TRHDE: variants seen among roughly 807,000 people sequenced by gnomAD.
The protein encoded by TRHDE is thyrotropin-releasing hormone-degrading ectoenzyme.
A neutral mutation model predicts 125.7 loss-of-function variants in TRHDE; 72 were observed. The ratio of observed to expected loss-of-function variants is 0.57; its 90% CI spans 0.47 to 0.70. The LOEUF is 0.70. Among genes scored for constraint, TRHDE ranks in the 30% least tolerant of loss-of-function variants. The pLI is 0.00. For synonymous variants in TRHDE, 509 were observed against 509.1 expected (o/e 1.00, Z 0.00); for missense variants, 1,110 against 1,327.1 (o/e 0.84, Z 2.54).
intron 12 of TRHDE, among the ~76,000 whole-genome samples, chr12:72,597,829 T>C (rs1480128123): frequency 6.8e-6 from 1 of 147,780 alleles, no homozygotes; most frequent in African/African-American, 2.5e-5. Context: ...TTTTTTATAA[T>C]TTTTAAAATA....
At chr12:72,652,939 G>A in intron 16 of TRHDE, 77 bp from the exon 17 acceptor site, 3 of 1,218,758 alleles carry the variant, frequency 2.5e-6, no homozygotes, top group Non-Finnish European at 3.4e-6. Flanking sequence ...GACAAACTAG[G>A]TCCTATAATT....
intron 2 of TRHDE, chr12:72,186,741 A>G (rs1242659687): frequency 6.6e-6 from 1 of 151,934 alleles, no homozygotes; most frequent in African/African-American, 2.4e-5. Context: ...AAATAGAATT[A>G]TTTTACTAAA....
At chr12:72,140,138 G>C (rs962228656) in intron 2 of TRHDE, 3 of 152,128 alleles carry the variant, frequency 2.0e-5, no homozygotes, top group Non-Finnish European at 2.9e-5. Context: ...CCTGATCCAG[G>C]AGAGAATTAA....
chr12:72,207,515 G>T (rs1157905050), intron 2 of TRHDE, among the ~76,000 whole-genome samples: 1 of 152,258 alleles, frequency 6.6e-6, no homozygotes. Flanking sequence ...AGCAACTTTA[G>T]TATATGGCTA....
chr12:72,532,689 TTATAA>T (rs763318004), intron 6 of TRHDE, among the ~76,000 whole-genome samples: 3 of 151,198 alleles, frequency 2.0e-5, no homozygotes, highest in Non-Finnish European at 4.4e-5. Flanking sequence ...ATGCAATTAA[TTATAA>T]TATGTTTGCT....
chr12:72,356,370 C>T (rs1208198968), intron 2 of TRHDE, among the ~76,000 whole-genome samples: 2 of 150,928 alleles, frequency 1.3e-5, no homozygotes, highest in Non-Finnish European at 3.0e-5. Flanking sequence ...CAACAGACAA[C>T]GGGGTCTACT....
chr12:72,362,588 T>G (rs1296192777), intron 2 of TRHDE, among the ~76,000 whole-genome samples: 2 of 150,314 alleles, frequency 1.3e-5, no homozygotes, highest in East Asian at 2.0e-4. Context: ...TTTGTCAATT[T>G]TGGCTTTTGT....
chr12:72,291,859 G>C (rs749538261), intron 2 of TRHDE, among the ~76,000 whole-genome samples: 2 of 152,158 alleles, frequency 1.3e-5, no homozygotes, highest in Non-Finnish European at 2.9e-5. Context: ...AGATACCAAG[G>C]GATGACTGTA....
At chr12:72,307,185 C>G (rs558547829) in intron 2 of TRHDE, among the ~76,000 whole-genome samples, 2 of 152,114 alleles carry the variant, frequency 1.3e-5, no homozygotes, top group Non-Finnish European at 1.5e-5. Context: ...TTTCCTCTGT[C>G]GCTCTGGCTG....
rs577783461 is a variant in TRHDE, at chr12:72,337,999, A to G, written c.1189-39996A>G. Among the ~76,000 whole-genome samples, 5 of 152,250 alleles carry G rather than the reference A, an allele frequency of 3.3e-5. No homozygotes were observed. In the East Asian group the frequency reaches 9.7e-4, roughly 30 times the overall value. ...AATCTTCAAGCAGAACTCGGAAAAA[A>G]AAGCAACTTATAGAAAATTTCGAAT... is the stretch of plus-strand genomic sequence containing the variant. On this transcript the variant is annotated intron_variant, in intron 2 of 18. Transcript: ENST00000261180.
At chr12:72,396,135 A>G (rs1161162747) in intron 3 of TRHDE, among the ~76,000 whole-genome samples, 1 of 152,104 alleles carries the variant, frequency 6.6e-6, no homozygotes, top group Admixed American at 6.5e-5. Context: ...TTCTCACATC[A>G]TCAGGTCCCC....
chr12:72,327,045 A>C (rs533331358), intron 2 of TRHDE, among the ~76,000 whole-genome samples: 36 of 152,072 alleles, frequency 2.4e-4, no homozygotes, highest in Non-Finnish European at 4.4e-4. Flanking sequence ...TTGGAGGAAG[A>C]TATAAGATCT....
chr12:72,455,859 G>T (rs1218758149), intron 3 of TRHDE, among the ~76,000 whole-genome samples: 1 of 151,822 alleles, frequency 6.6e-6, no homozygotes, highest in African/African-American at 2.4e-5. Context: ...TAATCTTTCT[G>T]TCTGCCTGGA....
intron 12 of TRHDE, among the ~76,000 whole-genome samples, chr12:72,602,015 G>T (rs1872228391): frequency 6.6e-6 from 1 of 152,158 alleles, no homozygotes; most frequent in Non-Finnish European, 1.5e-5. Flanking sequence ...TGAAGAACAA[G>T]TTGAATTCTT....
chr12:72,258,886 T>C lies in TRHDE; in HGVS notation n.280-119109T>C, dbSNP rs1054465029. 6.6e-5 allele frequency among the ~76,000 whole-genome samples: 10 copies of C among 152,302 alleles called. No individual in the cohort carries two copies. The South Asian group carries it at 2.1e-3, about 32-fold the overall frequency. On this transcript the variant is annotated intron_variant and non_coding_transcript_variant, in intron 2 of 4. Transcript: ENST00000548156. ...CAGGTTATAAATTTTAGAGAAGTGA[T>C]GTTGTGTTTTTCTCATTGCATTTGA...
chr12:72,491,866 A>T (rs1474433433), intron 5 of TRHDE, among the ~76,000 whole-genome samples: 1 of 152,014 alleles, frequency 6.6e-6, no homozygotes, highest in East Asian at 1.9e-4. Flanking sequence ...ACATTATTTC[A>T]GTTACTTGTA....
At chr12:72,223,288 C>T (rs574035005) in intron 2 of TRHDE, among the ~76,000 whole-genome samples, 1 of 152,194 alleles carries the variant, frequency 6.6e-6, no homozygotes, top group East Asian at 1.9e-4. Context: ...GTGATGATAT[C>T]ATGGAAGCTT....
intron 2 of TRHDE, among the ~76,000 whole-genome samples, chr12:72,224,310 C>T (rs572351491): frequency 5.9e-5 from 9 of 151,788 alleles, no homozygotes; most frequent in Non-Finnish European, 8.8e-5. Context: ...GATTACAAGC[C>T]GCTAAAAATC....
chr12:72,167,964 C>T (rs1876789560), intron 2 of TRHDE, among the ~76,000 whole-genome samples: 1 of 152,050 alleles, frequency 6.6e-6, no homozygotes. Context: ...GAAAAAGAGG[C>T]TAATCCTATA....
Sources: gnomAD v4.1 joint callset for allele counts (sites outside exome capture counted in the v4.1 genomes callset) on GRCh38, gnomAD v4.1.1 for gene constraint, MANE v1.5 for transcripts, NCBI Gene and HGNC (gene_info 2026-07-23, HGNC 2026-07-21) for gene names.